Variants in SLIT2 observed in about 807,000 individuals in gnomAD.
SLIT2 encodes the protein slit guidance ligand 2.
A neutral mutation model predicts 185.7 loss-of-function variants in SLIT2; 41 were observed. That is an observed-to-expected ratio of 0.22 (90% CI 0.17 to 0.29). The LOEUF (loss-of-function observed/expected upper bound fraction) is 0.29, where lower values mean the gene tolerates loss of function less well. SLIT2 is among the 10% of genes least tolerant of loss of function. The pLI, the probability that SLIT2 is intolerant of heterozygous loss-of-function variation, is 1.00. For synonymous variants in SLIT2, 693 were observed against 680.2 expected (o/e 1.02, Z -0.29); for missense variants, 1,571 against 1,909.0 (o/e 0.82, Z 3.30).
intron 4 of SLIT2, among the ~76,000 whole-genome samples, chr4:20,365,906 C>T (rs534266843): frequency 2.6e-5 from 4 of 152,208 alleles, no homozygotes; most frequent in African/African-American, 9.6e-5. Context: ...GGCAAAATGA[C>T]TGTCATTAGC....
chr4:20,472,297 T>TCTATATATAG (rs1560452936), intron 5 of SLIT2, among the ~76,000 whole-genome samples: 1 of 27,698 alleles, frequency 3.6e-5, no homozygotes, highest in African/African-American at 2.5e-4. Flanking sequence ...GATATATAGA[T>TCTATATATAG]ATATAGATCT....
In SLIT2 at chr4:20,541,770, A is replaced by G. The variant is rs1196284375; in HGVS notation, c.2143+151A>G. 7.7e-6 allele frequency: 5 copies of G among 652,130 alleles called. No homozygotes were observed. The Admixed American group carries it at 8.9e-5, about 12-fold the overall frequency. The allele number at this position is 652,130 out of a possible 1,614,324, so 40.4% of individuals were successfully genotyped here. A position where few individuals can be genotyped will look rare whatever the true frequency, so the allele number is the denominator to read the frequency against. On this transcript the variant is annotated intron_variant, in intron 20 of 36. Coordinates refer to ENST00000504154, the MANE Select transcript of SLIT2 (RefSeq NM_004787.4). ...TTGGGTTTTGTTTTAGTGCCAGGACACTTACTTTCTTAGACTTGCCTTCCA... is the reference window on the plus strand; with the variant it reads ...TTGGGTTTTGTTTTAGTGCCAGGACGCTTACTTTCTTAGACTTGCCTTCCA...
chr4:20,516,630 A>G (rs1472153706), intron 11 of SLIT2, among the ~76,000 whole-genome samples: 1 of 151,952 alleles, frequency 6.6e-6, no homozygotes, highest in Non-Finnish European at 1.5e-5. Flanking sequence ...TTTTGGCCCT[A>G]TTTCCTGGGC....
At chr4:20,400,221 G>C (rs914961645) in intron 4 of SLIT2, among the ~76,000 whole-genome samples, 5 of 151,768 alleles carry the variant, frequency 3.3e-5, no homozygotes, top group African/African-American at 1.2e-4. Flanking sequence ...TATTCTGACT[G>C]ATATGGTCAG....
intron 30 of SLIT2, among the ~76,000 whole-genome samples, chr4:20,591,138 TC>T (rs1249999256): frequency 6.6e-6 from 1 of 152,178 alleles, no homozygotes; most frequent in African/African-American, 2.4e-5. Context: ...GATTTTGTAG[TC>T]CTTTATAGCT....
chr4:20,476,173 C>G (rs1186903387), intron 5 of SLIT2, among the ~76,000 whole-genome samples: 1 of 152,020 alleles, frequency 6.6e-6, no homozygotes, highest in Non-Finnish European at 1.5e-5. Flanking sequence ...TCTGGGGCTA[C>G]TCTTTAAAAG....
At chr4:20,544,029 TG>T (rs925549166) in intron 21 of SLIT2, among the ~76,000 whole-genome samples, 1 of 151,688 alleles carries the variant, frequency 6.6e-6, no homozygotes, top group Non-Finnish European at 1.5e-5. Context: ...TGTCTTGGTG[TG>T]GGGGGATGGG....
chr4:20,432,116 G>A (rs1299728199), intron 4 of SLIT2, among the ~76,000 whole-genome samples: 1 of 152,030 alleles, frequency 6.6e-6, no homozygotes, highest in African/African-American at 2.4e-5. Flanking sequence ...TTTTCTGTAT[G>A]TTAGGTGGCT....
chr4:20,423,996 A>G (rs1728363613), intron 4 of SLIT2, among the ~76,000 whole-genome samples: 1 of 152,116 alleles, frequency 6.6e-6, no homozygotes, highest in African/African-American at 2.4e-5. Flanking sequence ...ACTTTTAAAG[A>G]TTGATTCTTC....
intron 4 of SLIT2, among the ~76,000 whole-genome samples, chr4:20,278,131 C>A (rs184469610): frequency 1.3e-5 from 2 of 151,898 alleles, no homozygotes; most frequent in African/African-American, 2.4e-5. Context: ...AAAGTAAAAT[C>A]TTTCTTAATT....
At chr4:20,454,788 A>C (rs1365485638) in intron 4 of SLIT2, among the ~76,000 whole-genome samples, 10 of 152,080 alleles carry the variant, frequency 6.6e-5, no homozygotes, top group Admixed American at 2.0e-4. Context: ...ATATCATTGC[A>C]CTCTAAGGTT....
intron 4 of SLIT2, among the ~76,000 whole-genome samples, chr4:20,404,179 T>C (rs576699517): frequency 6.6e-6 from 1 of 152,134 alleles, no homozygotes; most frequent in African/African-American, 2.4e-5. Context: ...TGATACATTT[T>C]ACATTTTTTA....
At chr4:20,272,191 T>C (rs1713695336) in intron 4 of SLIT2, among the ~76,000 whole-genome samples, 1 of 151,696 alleles carries the variant, frequency 6.6e-6, no homozygotes, top group Middle Eastern at 3.4e-3. Context: ...CAGGACAGTG[T>C]AATAAAATTA....
chr4:20,283,359 CTTTTA>C (rs1347525225), intron 4 of SLIT2, among the ~76,000 whole-genome samples: 1 of 152,102 alleles, frequency 6.6e-6, no homozygotes. Context: ...GAGCCAAAAG[CTTTTA>C]TTTTATGTAC....
chr4:20,600,655 C>A (rs573219717), intron 33 of SLIT2, among the ~76,000 whole-genome samples: 1 of 151,904 alleles, frequency 6.6e-6, no homozygotes. Context: ...CGATCTCCAA[C>A]CTCGTGATCC....
chr4:20,425,389 A>G (rs139469154), intron 4 of SLIT2, among the ~76,000 whole-genome samples: 1 of 152,286 alleles, frequency 6.6e-6, no homozygotes, highest in East Asian at 1.9e-4. Flanking sequence ...ATAAACAAAT[A>G]AAACCATTGT....
chr4:20,348,884 C>T (rs940832842), intron 4 of SLIT2, among the ~76,000 whole-genome samples: 7 of 152,192 alleles, frequency 4.6e-5, no homozygotes, highest in Admixed American at 3.3e-4. Context: ...TGAGAAGCCT[C>T]ATTGCATTTG....
At chr4:20,421,952 T>A (rs1393370494) in intron 4 of SLIT2, among the ~76,000 whole-genome samples, 1 of 152,190 alleles carries the variant, frequency 6.6e-6, no homozygotes, top group African/African-American at 2.4e-5. Context: ...CTACAGGAAT[T>A]GTTTCCACAT....
intron 4 of SLIT2, among the ~76,000 whole-genome samples, chr4:20,404,783 C>T (rs565514194): frequency 6.6e-6 from 1 of 151,942 alleles, no homozygotes; most frequent in Admixed American, 6.6e-5. Context: ...AGCTTGGAAT[C>T]TGTATTTATA....
Sources: allele counts gnomAD v4.1 joint callset (sites outside exome capture counted in the v4.1 genomes callset), GRCh38; gene constraint gnomAD v4.1.1; transcripts MANE v1.5; gene names NCBI Gene and HGNC (gene_info 2026-07-23, HGNC 2026-07-21).